Variants in SPINK5 observed in about 807,000 individuals in gnomAD.
The protein encoded by SPINK5 is serine peptidase inhibitor Kazal type 5.
A neutral mutation model predicts 151.8 loss-of-function variants in SPINK5; 125 were observed. The observed-to-expected ratio is 0.82, with a 90% CI of 0.71 to 0.96. The LOEUF is 0.96. Among genes scored for constraint, SPINK5 ranks in the 40% least tolerant of loss-of-function variants. The probability of loss-of-function intolerance (pLI) is 0.00; values close to 1 mark genes in which losing one functional copy is unlikely to be tolerated. For missense variants in SPINK5, 1,194 were observed against 1,291.9 expected, an observed-to-expected ratio of 0.92 and a Z score of 1.16; for synonymous variants, 374 against 395.3, an observed-to-expected ratio of 0.95 and a Z score of 0.64.
intron 5 of SPINK5, among the ~76,000 whole-genome samples, chr5:148,087,112 G>A (rs1753181380): frequency 6.6e-6 from 1 of 150,450 alleles, no homozygotes; most frequent in East Asian, 2.0e-4. Context: ...TGTTTATTAA[G>A]TGCTTAATAA....
intron 24 of SPINK5, 111 bp from the exon 25 acceptor site, chr5:148,119,898 C>CA: frequency 8.0e-7 from 1 of 1,254,484 alleles, no homozygotes; most frequent in Non-Finnish European, 1.1e-6. Flanking sequence ...TTGCCTATCA[C>CA]AGCAAGGTTA....
intron 13 of SPINK5, 68 bp downstream of exon 13, chr5:148,100,649 A>G: frequency 7.7e-6 from 12 of 1,560,644 alleles, no homozygotes; most frequent in African/African-American, 1.4e-5. Context: ...TCCATGTTCA[A>G]TTATGGGAGG....
At chr5:148,128,748 C>G (rs887588710) in intron 30 of SPINK5, among the ~76,000 whole-genome samples, 2 of 152,130 alleles carry the variant, frequency 1.3e-5, no homozygotes, top group African/African-American at 4.8e-5. Flanking sequence ...TGGTCTCGAT[C>G]TCCTGACCTC....
chr5:148,101,247 C>T, intron 13 of SPINK5, 108 bp from the exon 14 acceptor site: 10 of 826,774 alleles, frequency 1.2e-5, no homozygotes, highest in Non-Finnish European at 2.0e-5. Flanking sequence ...ACATCACATT[C>T]AAAGAATTTA....
intron 30 of SPINK5, among the ~76,000 whole-genome samples, chr5:148,128,963 A>G (rs897895238): frequency 6.6e-6 from 1 of 152,346 alleles, no homozygotes; most frequent in African/African-American, 2.4e-5. Flanking sequence ...AGGAGGAAAT[A>G]AGGCAGAAAA....
At position 148,131,322 on chromosome 5, in the gene SPINK5, T is replaced by G. The variant is rs1754566872; in HGVS notation, c.3028T>G (p.Leu1010Val). Residue 1010 changes from leucine to valine, a missense_variant, in exon 31 of 33, where the codon TTA (leucine) becomes GTA (valine). Coordinates refer to ENST00000256084, the MANE Select transcript of SPINK5 (RefSeq NM_006846.4). The part of the protein sequence containing the change: ...PRIGYLCPKD[L>V]KPVCGDDGQT... ...GATAGGTTATCTTTGTCCAAAGGAT[T>G]TAAAGCCTGTCTGTGGTGACGATGG... is the stretch of plus-strand genomic sequence containing the variant. 1 of 1,613,934 alleles carries G rather than the reference T, an allele frequency of 6.2e-7. No individual in the cohort carries two copies. Among genetic ancestry groups the G allele is most frequent in the African/African-American group, 1.3e-5 (1 of 75,018 alleles).
At chr5:148,112,791 AT>A (rs1354890123) in intron 19 of SPINK5, 76 bp from the exon 20 acceptor site, 3 of 1,594,934 alleles carry the variant, frequency 1.9e-6, no homozygotes, top group Admixed American at 3.6e-5. Flanking sequence ...GACCATTTTT[AT>A]GTAGAGACAT....
chr5:148,092,248 G>A (rs4519913), intron 8 of SPINK5, among the ~76,000 whole-genome samples: 70,480 of 151,708 alleles, frequency 0.46, 17,123 homozygotes, highest in Admixed American at 0.59. Context: ...TAGCCCTTCA[G>A]TTCGTAATGC....
At position 148,107,106 on chromosome 5, in the gene SPINK5, G is replaced by A. The variant is rs1202640956; in HGVS notation, c.1549G>A (p.Val517Ile). 2 of 1,613,374 alleles carry A rather than the reference G, an allele frequency of 1.2e-6. No individual in the cohort carries two copies. Among genetic ancestry groups the A allele is most frequent in the African/African-American group, 1.3e-5 (1 of 74,902 alleles). ...TATATGCACCAGGGAGCATAATCCT[G>A]TCCGTGGCCCAGATGGCAAAATGCA... Reference protein sequence around the residue: ...TLICTREHNPVRGPDGKMHGN... With the variant: ...TLICTREHNPIRGPDGKMHGN... Residue 517 changes from valine (V) to isoleucine (I), a missense_variant, in exon 17 of 33, where the codon GTC becomes ATC. Physicochemically the swap from Val to Ile is conservative, Grantham distance 29. Transcript: ENST00000256084.
At chr5:148,121,061 C>T (rs951959401) in intron 26 of SPINK5, among the ~76,000 whole-genome samples, 2 of 102,006 alleles carry the variant, frequency 2.0e-5, no homozygotes, top group Admixed American at 1.3e-4. Flanking sequence ...AGGAGAATGG[C>T]GTGAACCTGG....
At position 148,072,203 on chromosome 5, in the gene SPINK5, G is replaced by T; in HGVS notation, c.265G>T (p.Ala89Ser). The change falls in exon 4 of 33, where the codon GCT (alanine) becomes TCT (serine). Residue 89 changes from alanine (A) to serine (S), a missense_variant. By Grantham distance (99) the Ala-to-Ser change is moderately conservative. Coordinates refer to ENST00000256084, the MANE Select transcript of SPINK5 (RefSeq NM_006846.4). ...RARHLARAPKATAPTELNCDD... is the reference protein window; with the variant it reads ...RARHLARAPKSTAPTELNCDD... The stretch of plus-strand genomic sequence containing the variant: ...CAGGCATTTAGCAAGAGCTCCCAAG[G>T]CTACTGCCCCAACAGAGGTGAGACT... The T allele has an allele frequency of 6.2e-7, 1 of 1,612,222 alleles. No individual in the cohort carries two copies. Among genetic ancestry groups the T allele is most frequent in the South Asian group, 1.1e-5 (1 of 91,052 alleles).
At chr5:148,119,974 A>G in intron 24 of SPINK5, 35 bp from the exon 25 acceptor site, 1 of 1,611,436 alleles carries the variant, frequency 6.2e-7, no homozygotes. Context: ...TTATGTAAAA[A>G]CAGCACTTCC....
intron 18 of SPINK5, among the ~76,000 whole-genome samples, chr5:148,109,165 A>G (rs11960682): frequency 1.2e-4 from 19 of 152,180 alleles, no homozygotes; most frequent in African/African-American, 3.6e-4. Context: ...ATTTTTCTCA[A>G]GTACATTTTT....
Position 148,064,060 on chromosome 5 carries a change from G to A in SPINK5, c.16G>A (p.Val6Met). The change falls in exon 1 of 33, where the codon GTG becomes ATG. Residue 6 changes from valine (V) to methionine (M), a missense_variant. By Grantham distance (21) the Val-to-Met change is conservative. Coordinates refer to ENST00000256084, the MANE Select transcript of SPINK5 (RefSeq NM_006846.4). MKIAT[V>M]SVLLPLALCL... is the part of the protein sequence containing the mutation. ...CGTCTTCAACATGAAGATAGCCACA[G>A]TGTCAGTGCTTCTGCCCTTGGCTCT... is the stretch of plus-strand genomic sequence containing the variant. The A allele has an allele frequency of 6.2e-7, 1 of 1,614,184 alleles. No homozygotes were observed. Among genetic ancestry groups the A allele is most frequent in the Non-Finnish European group, 8.5e-7 (1 of 1,180,032 alleles).
Position 148,111,880 on chromosome 5 carries a change from T to A in SPINK5, c.1805T>A (p.Met602Lys). 6.2e-7 allele frequency: 1 copy of A among 1,613,984 alleles called. No individual in the cohort carries two copies. Among genetic ancestry groups the A allele is most frequent in the Non-Finnish European group, 8.5e-7 (1 of 1,179,878 alleles). ...DGKIHGNTCS[M>K]CEAFFQQEAK... is the part of the protein sequence containing the mutation. ...AAAATCCACGGCAACACCTGCTCCA[T>A]GTGTGAAGCCTTCTTGTGAGTGGGC... is the stretch of plus-strand genomic sequence containing the variant. Residue 602 changes from methionine to lysine, a missense_variant, in exon 19 of 33, where the codon ATG becomes AAG. Coordinates refer to ENST00000256084, the MANE Select transcript of SPINK5 (RefSeq NM_006846.4).
At position 148,089,362 on chromosome 5, in the gene SPINK5, A is replaced by G. The variant is rs534244283; in HGVS notation, c.475-132A>G. 76 of 1,173,188 alleles carry G rather than the reference A, an allele frequency of 6.5e-5. No individual in the cohort carries two copies. The Middle Eastern group carries it at 2.3e-3, about 36-fold the overall frequency. 72.7% of individuals were successfully genotyped at this position (1,173,188 alleles called of 1,614,324 possible). On this transcript the variant is annotated intron_variant, in intron 6 of 32. Coordinates refer to ENST00000256084, the MANE Select transcript of SPINK5 (RefSeq NM_006846.4). ...AATTATAGAGTACTTACTGAGCTACATCTACACAGCTGGTACTGCTCTAAG... is the reference window on the plus strand; with the variant it reads ...AATTATAGAGTACTTACTGAGCTACGTCTACACAGCTGGTACTGCTCTAAG...
intron 16 of SPINK5, among the ~76,000 whole-genome samples, chr5:148,106,615 G>A (rs995120399): frequency 6.6e-6 from 1 of 152,132 alleles, no homozygotes; most frequent in Non-Finnish European, 1.5e-5. Flanking sequence ...AATTACAGGT[G>A]TGAGCCACCA....
rs1016998635 is a variant in SPINK5, at chr5:148,136,899, T to G, written c.3187-84T>G. 3.3e-6 allele frequency: 5 copies of G among 1,531,692 alleles called. No individual in the cohort carries two copies. In the Admixed American group the frequency reaches 8.4e-5, roughly 26 times the overall value. The allele number at this position is 1,531,692 out of a possible 1,614,324, so 94.9% of individuals were successfully genotyped here. On this transcript the variant is annotated intron_variant, in intron 32 of 32. Coordinates refer to ENST00000256084, the MANE Select transcript of SPINK5 (RefSeq NM_006846.4). ...ATGCAGGATCTATGGATTTCTTTGA[T>G]TAAGATGCAGCTATAAATATACAGC...
At chr5:148,121,665 GA>G (rs1754269448) in intron 26 of SPINK5, among the ~76,000 whole-genome samples, 1 of 39,308 alleles carries the variant, frequency 2.5e-5, no homozygotes, top group Admixed American at 4.3e-4. Flanking sequence ...AAAAAATAAA[GA>G]AAATATGGAG....
Sources: allele counts gnomAD v4.1 joint callset (sites outside exome capture counted in the v4.1 genomes callset), GRCh38; gene constraint gnomAD v4.1.1; transcripts MANE v1.5; gene names NCBI Gene and HGNC (gene_info 2026-07-23, HGNC 2026-07-21).